The following CCDC171 variants were observed in gnomAD, a reference collection of about 807,000 sequenced individuals.
CCDC171 encodes the protein coiled-coil domain containing 171, also known as coiled-coil domain-containing protein 171.
Under a neutral mutation model 168.2 loss-of-function variants are expected in CCDC171, and 177 were observed. The observed-to-expected ratio is 1.05, with a 90% CI of 0.93 to 1.19. The LOEUF is 1.19. CCDC171 is among the 50% of genes most tolerant of loss of function. The pLI, the probability that CCDC171 is intolerant of heterozygous loss-of-function variation, is 0.00. For missense variants in CCDC171, 1,991 were observed against 1,539.0 expected (o/e 1.29, Z -4.91); for synonymous variants, 687 against 540.8 (o/e 1.27, Z -3.75).
intron 11 of CCDC171, among the ~76,000 whole-genome samples, chr9:15,702,481 T>G (rs557718603): frequency 6.6e-6 from 1 of 152,056 alleles, no homozygotes; most frequent in East Asian, 2.0e-4. Context: ...TAAAGCATAA[T>G]TCTTAAGGGC....
At chr9:16,052,546 G>A (rs1480588818) in intron 1 of CCDC171, among the ~76,000 whole-genome samples, 1 of 152,124 alleles carries the variant, frequency 6.6e-6, no homozygotes, top group Non-Finnish European at 1.5e-5. Flanking sequence ...TCACTGATCT[G>A]CATTATATAT....
At chr9:16,061,456 G>C (rs930241373), downstream of CCDC171, 1 of 152,058 alleles carries the variant, frequency 6.6e-6, no homozygotes, top group Admixed American at 6.6e-5. Context: ...TGACTTTGTA[G>C]CCTCATGTTT....
intron 18 of CCDC171, among the ~76,000 whole-genome samples, chr9:15,746,014 A>C (rs1354075190): frequency 6.6e-6 from 1 of 152,152 alleles, no homozygotes; most frequent in Non-Finnish European, 1.5e-5. Context: ...GCCAGTAGAA[A>C]ATTTTTATCT....
intron 10 of CCDC171, among the ~76,000 whole-genome samples, chr9:15,692,638 C>A (rs561778232): frequency 6.4e-4 from 97 of 151,364 alleles, no homozygotes; most frequent in African/African-American, 2.2e-3. Context: ...CGCCATTCTC[C>A]TGCCTCAGCC....
intron 25 of CCDC171, among the ~76,000 whole-genome samples, chr9:15,931,456 CTTTTTTTT>C (rs57124025): frequency 4.4e-5 from 2 of 44,992 alleles, no homozygotes; most frequent in Non-Finnish European, 8.6e-5. Flanking sequence ...TTCTTTCTTT[CTTTTTTTT>C]TTTTTTTTTT....
chr9:15,583,992 G>C (rs190904837), intron 4 of CCDC171, among the ~76,000 whole-genome samples: 1 of 151,846 alleles, frequency 6.6e-6, no homozygotes, highest in Non-Finnish European at 1.5e-5. Context: ...TCAGCCTCCC[G>C]AGTGGCTGGG....
intron 24 of CCDC171, among the ~76,000 whole-genome samples, chr9:15,879,195 G>T (rs2794629): frequency 0.78 from 118,126 of 151,772 alleles, 46,713 homozygotes; most frequent in East Asian, 0.85. Context: ...TATTCTTCAA[G>T]TTATTTTTTA....
intron 25 of CCDC171, among the ~76,000 whole-genome samples, chr9:15,958,496 TATA>T (rs147653958): frequency 0.32 from 46,083 of 145,040 alleles, 8,945 homozygotes; most frequent in East Asian, 0.63. Context: ...TATGGGGTGT[TATA>T]ATAACACGGA....
intron 10 of CCDC171, among the ~76,000 whole-genome samples, chr9:15,694,648 A>G (rs578057480): frequency 8.5e-5 from 13 of 152,246 alleles, no homozygotes; most frequent in Non-Finnish European, 1.3e-4. Flanking sequence ...ATCCAATCCA[A>G]TCCAGTTCAA....
At chr9:15,688,708 C>T (rs1482133004) in intron 10 of CCDC171, among the ~76,000 whole-genome samples, 1 of 152,104 alleles carries the variant, frequency 6.6e-6, no homozygotes, top group Non-Finnish European at 1.5e-5. Context: ...CCTCCTCAAC[C>T]TCAAGAAGAG....
At chr9:15,941,540 A>G (rs1238713909) in intron 25 of CCDC171, among the ~76,000 whole-genome samples, 1 of 152,036 alleles carries the variant, frequency 6.6e-6, no homozygotes, top group Non-Finnish European at 1.5e-5. Context: ...AGTCTTCAAC[A>G]GATCCACAAG....
At chr9:15,931,049 G>T (rs1439850619) in intron 25 of CCDC171, among the ~76,000 whole-genome samples, 1 of 151,602 alleles carries the variant, frequency 6.6e-6, no homozygotes, top group African/African-American at 2.4e-5. Flanking sequence ...ATAAACATTG[G>T]AGTGCAGCTA....
chr9:16,001,382 G>A (rs923309345), intron 3 of CCDC171, among the ~76,000 whole-genome samples: 85 of 151,950 alleles, frequency 5.6e-4, no homozygotes, highest in African/African-American at 1.9e-3. Context: ...CAAGTAAGGA[G>A]GGTTTTCTCA....
downstream of CCDC171, among the ~76,000 whole-genome samples, chr9:15,975,100 T>C (rs2132849515): frequency 6.6e-6 from 1 of 152,252 alleles, no homozygotes; most frequent in East Asian, 1.9e-4. Flanking sequence ...TTTTCTAATA[T>C]AAAAGGTGGA....
intron 7 of CCDC171, among the ~76,000 whole-genome samples, chr9:15,625,668 TG>T (rs2045016985): frequency 6.6e-6 from 1 of 152,230 alleles, no homozygotes; most frequent in East Asian, 1.9e-4. Flanking sequence ...TCTGTTCCAT[TG>T]GTCTATATCT....
chr9:15,737,338 G>A (rs1368849365), intron 16 of CCDC171, among the ~76,000 whole-genome samples: 2 of 152,130 alleles, frequency 1.3e-5, no homozygotes, highest in Non-Finnish European at 2.9e-5. Flanking sequence ...ATCATAGGCT[G>A]TACATAATTA....
At chr9:16,078,564 T>C in the CCDC171 span, among the ~76,000 whole-genome samples, 11 of 152,186 alleles carry the variant, frequency 7.2e-5, no homozygotes, top group African/African-American at 2.7e-4. Flanking sequence ...TGATTTGATT[T>C]GACAGATACC....
chr9:15,597,502 A>G (rs1222317374), intron 6 of CCDC171, among the ~76,000 whole-genome samples: 2 of 152,228 alleles, frequency 1.3e-5, no homozygotes, highest in African/African-American at 4.8e-5. Context: ...AGCCTACTTG[A>G]TCATGGTGGA....
At chr9:16,050,403 A>G (rs1475873701) in intron 1 of CCDC171, among the ~76,000 whole-genome samples, 1 of 152,234 alleles carries the variant, frequency 6.6e-6, no homozygotes, top group Admixed American at 6.5e-5. Context: ...ATCACTGTCC[A>G]AATACAAATA....
Sources: allele counts gnomAD v4.1 joint callset (sites outside exome capture counted in the v4.1 genomes callset), GRCh38; gene constraint gnomAD v4.1.1; transcripts MANE v1.5; gene names NCBI Gene and HGNC (gene_info 2026-07-23, HGNC 2026-07-21).